KALRN: variants seen among roughly 807,000 people sequenced by gnomAD.
The protein encoded by KALRN is kalirin.
A neutral mutation model predicts 353.7 loss-of-function variants in KALRN; 70 were observed. The ratio of observed to expected loss-of-function variants is 0.20; its 90% CI spans 0.16 to 0.24. The LOEUF is 0.24. KALRN is among the 10% of genes least tolerant of loss of function. The pLI is 1.00. For missense variants in KALRN, 2,791 were observed against 3,756.7 expected (o/e 0.74, Z 6.72); for synonymous variants, 1,391 against 1,434.8 (o/e 0.97, Z 0.69).
chr3:124,064,621 G>A (rs758342498), intron 1 of KALRN, among the ~76,000 whole-genome samples: 6 of 152,272 alleles, frequency 3.9e-5, no homozygotes, highest in South Asian at 4.1e-4. Flanking sequence ...GAAATCTAAA[G>A]GTTTTTGAGA....
At chr3:124,667,557 T>TA (rs2085799468) in intron 47 of KALRN, among the ~76,000 whole-genome samples, 1 of 152,254 alleles carries the variant, frequency 6.6e-6, no homozygotes, top group Admixed American at 6.5e-5. Flanking sequence ...TCACAGCTTC[T>TA]GTAGTGTTAA....
chr3:124,187,432 C>T (rs1288229741), intron 1 of KALRN, among the ~76,000 whole-genome samples: 2 of 152,140 alleles, frequency 1.3e-5, no homozygotes, highest in Non-Finnish European at 2.9e-5. Context: ...ACCATCCAAA[C>T]ACAGGGCATA....
chr3:124,640,249 T>A (rs1236950352), intron 37 of KALRN, among the ~76,000 whole-genome samples: 1 of 151,718 alleles, frequency 6.6e-6, no homozygotes, highest in Non-Finnish European at 1.5e-5. Flanking sequence ...ATACACATCA[T>A]GAGCTGTGTG....
At chr3:124,658,368 T>C in intron 41 of KALRN, 63 bp from the exon 42 acceptor site, 3 of 1,284,382 alleles carry the variant, frequency 2.3e-6, no homozygotes, top group East Asian at 2.3e-5. Context: ...AGCACGGCAC[T>C]CTGAGATTGA....
rs1347109561 is a variant in KALRN at position 124,664,368 on chromosome 3, T to TGCGCGC, written c.6346-2080_6346-2079insCGCGCG. On this transcript the variant is annotated intron_variant, in intron 45 of 59. Coordinates refer to ENST00000682506, the MANE Select transcript of KALRN (RefSeq NM_001388419.1). ...GTGTGTGTGTGTGTGTGTGTGTGTG[T>TGCGCGC]GTGCGCGCGCGCGCATATAAGGGCA... is the stretch of plus-strand genomic sequence containing the variant. 6.9e-3 allele frequency among the ~76,000 whole-genome samples: 913 copies of TGCGCGC among 132,130 alleles called. 6 individuals carry two copies. Among genetic ancestry groups the TGCGCGC allele is most frequent in the African/African-American group, 0.026 (829 of 32,198 alleles). The allele number at this position is 132,130 out of a possible 152,430, so 86.7% of individuals were successfully genotyped here. A position where few individuals can be genotyped will look rare whatever the true frequency, so the allele number is the denominator to read the frequency against.
intron 25 of KALRN, among the ~76,000 whole-genome samples, chr3:124,470,109 T>C (rs977279971): frequency 1.3e-5 from 2 of 152,214 alleles, no homozygotes; most frequent in African/African-American, 2.4e-5. Context: ...ATTATAATAA[T>C]TTAATAGAGT....
chr3:124,532,990 C>T (rs1309423717), intron 33 of KALRN, among the ~76,000 whole-genome samples: 1 of 145,110 alleles, frequency 6.9e-6, no homozygotes, highest in Non-Finnish European at 1.5e-5. Flanking sequence ...TGGAAAAAAA[C>T]ATATTTATAT....
At chr3:124,518,586 A>G in intron 33 of KALRN, 1 of 1,593,002 alleles carries the variant, frequency 6.3e-7, no homozygotes. Flanking sequence ...TGTGGGGTGC[A>G]GCCTTTGCTC....
intron 5 of KALRN, among the ~76,000 whole-genome samples, chr3:124,286,365 C>T (rs974464375): frequency 7.2e-5 from 11 of 151,772 alleles, no homozygotes; most frequent in African/African-American, 2.7e-4. Context: ...CCACCTCAGC[C>T]TCCCGAGTAG....
chr3:124,416,072 A>G lies in KALRN; in HGVS notation c.2542+2407A>G, dbSNP rs2092477149. Among the ~76,000 whole-genome samples, 3 of 152,192 alleles carry G rather than the reference A, an allele frequency of 2.0e-5. No individual in the cohort carries two copies. In the South Asian group the frequency reaches 6.2e-4, roughly 32 times the overall value. Reference sequence around the variant, plus strand: ...ACTTACTGTAGCTGTCTATGCAGCTACGACTGGGAACCATAAGAGAATGCA... The same window carrying G: ...ACTTACTGTAGCTGTCTATGCAGCTGCGACTGGGAACCATAAGAGAATGCA... On this transcript the variant is annotated intron_variant, in intron 14 of 59. Transcript: ENST00000682506.
intron 33 of KALRN, among the ~76,000 whole-genome samples, chr3:124,535,890 C>T (rs1250919335): frequency 6.6e-6 from 1 of 152,144 alleles, no homozygotes; most frequent in Non-Finnish European, 1.5e-5. Flanking sequence ...ATTCCTTCAC[C>T]ATTCCCAGGG....
intron 9 of KALRN, among the ~76,000 whole-genome samples, chr3:124,337,678 C>A (rs1041061079): frequency 6.6e-6 from 1 of 152,148 alleles, no homozygotes; most frequent in Non-Finnish European, 1.5e-5. Flanking sequence ...AGGGAGGAGT[C>A]CCTCTTCTTC....
chr3:124,085,927 C>T (rs2060794040), intron 1 of KALRN, among the ~76,000 whole-genome samples: 3 of 152,086 alleles, frequency 2.0e-5, no homozygotes, highest in Admixed American at 2.0e-4. Flanking sequence ...TGTCTATTTT[C>T]ACAAAAAGTG....
intron 1 of KALRN, among the ~76,000 whole-genome samples, chr3:124,188,647 G>A (rs532533657): frequency 1.6e-4 from 25 of 152,266 alleles, no homozygotes; most frequent in African/African-American, 4.8e-4. Context: ...GTTTCAGAGG[G>A]GAGGCATGTA....
intron 48 of KALRN, among the ~76,000 whole-genome samples, chr3:124,672,279 A>T (rs1444799901): frequency 1.3e-5 from 2 of 152,194 alleles, no homozygotes; most frequent in Non-Finnish European, 2.9e-5. Flanking sequence ...CTTGCTGATT[A>T]TTTTAGCAGG....
chr3:124,598,887 G>A (rs2076524057), intron 34 of KALRN, among the ~76,000 whole-genome samples: 1 of 152,174 alleles, frequency 6.6e-6, no homozygotes, highest in Non-Finnish European at 1.5e-5. Flanking sequence ...TGTTGGCCAG[G>A]CTGGTCTGGA....
intron 1 of KALRN, chr3:124,094,573 G>C (rs1372783846): frequency 3.8e-6 from 2 of 519,688 alleles, no homozygotes; most frequent in Non-Finnish European, 7.0e-6. Context: ...TCCCTCCCAC[G>C]CATCTCCGAC....
chr3:124,150,383 A>G (rs748066413), intron 1 of KALRN, among the ~76,000 whole-genome samples: 1 of 152,186 alleles, frequency 6.6e-6, no homozygotes, highest in East Asian at 1.9e-4. Flanking sequence ...GGAATGTTCA[A>G]GTTTTTTAAA....
At chr3:124,147,123 C>G (rs1189556568) in intron 1 of KALRN, among the ~76,000 whole-genome samples, 1 of 152,122 alleles carries the variant, frequency 6.6e-6, no homozygotes, top group African/African-American at 2.4e-5. Context: ...GTAAGGTCCC[C>G]AGGTTATCAC....
Sources: allele counts gnomAD v4.1 joint callset (sites outside exome capture counted in the v4.1 genomes callset), GRCh38; gene constraint gnomAD v4.1.1; transcripts MANE v1.5; gene names NCBI Gene and HGNC (gene_info 2026-07-23, HGNC 2026-07-21).